Variants in MTHFD1 observed in about 807,000 individuals in gnomAD.
MTHFD1 encodes the protein C-1-tetrahydrofolate synthase, cytoplasmic.
Under a neutral mutation model 110.3 loss-of-function variants are expected in MTHFD1, and 44 were observed. The ratio of observed to expected loss-of-function variants is 0.40; its 90% CI spans 0.31 to 0.51. MTHFD1 has a LOEUF of 0.51. Among genes scored for constraint, MTHFD1 ranks in the 20% least tolerant of loss-of-function variants. MTHFD1 has a pLI of 0.60. For synonymous variants in MTHFD1, 402 were observed against 428.8 expected (o/e 0.94, Z 0.77); for missense variants, 909 against 1,173.1 (o/e 0.77, Z 3.29).
chr14:64,426,377 T>C (rs556100119), intron 11 of MTHFD1, among the ~76,000 whole-genome samples, 185 bp downstream of exon 11: 2 of 152,344 alleles, frequency 1.3e-5, no homozygotes, highest in South Asian at 4.1e-4. Context: ...ATTATAATCA[T>C]AGATGAGAAA....
In MTHFD1 at chr14:64,399,747, C is replaced by T. The variant is rs369827905; in HGVS notation, c.42-1046C>T. Among the ~76,000 whole-genome samples, 15 of 151,560 alleles carry T rather than the reference C, an allele frequency of 9.9e-5. No homozygotes were observed. In the East Asian group the frequency reaches 1.7e-3, roughly 18 times the overall value. Reference sequence around the variant, plus strand: ...TGGGAAGTTCCTGTACATATTAAACCAGATAATGTCCATTCAGTGGTGTTT... The same window carrying T: ...TGGGAAGTTCCTGTACATATTAAACTAGATAATGTCCATTCAGTGGTGTTT... On this transcript the variant is annotated intron_variant, in intron 1 of 27. Coordinates refer to ENST00000652337, the MANE Select transcript of MTHFD1 (RefSeq NM_005956.4).
intron 4 of MTHFD1, 56 bp downstream of exon 4, chr14:64,412,581 T>C: frequency 7.0e-7 from 1 of 1,438,362 alleles, no homozygotes; most frequent in Non-Finnish European, 9.8e-7. Context: ...TCCTCTCTGG[T>C]TTTGGTTTAC....
rs142876057 is a variant in MTHFD1, at chr14:64,437,547, A to G, written c.1598-1549A>G. 2.2e-3 allele frequency among the ~76,000 whole-genome samples: 328 copies of G among 152,296 alleles called. 2 individuals are homozygous for G. The highest frequency in any genetic ancestry group is 7.5e-3 in the African/African-American group (313 of 41,576). ...ACTGAGTATCCTATGATTTAACTCA[A>G]TTCTGACACTAACTGTCTGGAGCAG... On this transcript the variant is annotated intron_variant, in intron 16 of 27. Transcript: ENST00000652337.
In MTHFD1 at chr14:64,430,093, G is replaced by A. The variant is rs1028974737; in HGVS notation, c.1265-91G>A. ...AAAAATAAATAAATAAATGTGCTTA[G>A]TAGTTACAATAATGCATTTGCATTT... is the stretch of plus-strand genomic sequence containing the variant. On this transcript the variant is annotated intron_variant, in intron 12 of 27. Coordinates refer to ENST00000652337, the MANE Select transcript of MTHFD1 (RefSeq NM_005956.4). 9 of 1,049,796 alleles carry A rather than the reference G, an allele frequency of 8.6e-6. No homozygotes were observed. The African/African-American group carries it at 1.4e-4, about 16-fold the overall frequency. 65.0% of individuals were successfully genotyped at this position (1,049,796 alleles called of 1,614,324 possible). A position where few individuals can be genotyped will look rare whatever the true frequency, so the allele number is the denominator to read the frequency against.
chr14:64,419,709 T>C, intron 7 of MTHFD1, 105 bp from the exon 8 acceptor site: 1 of 803,492 alleles, frequency 1.2e-6, no homozygotes, highest in Non-Finnish European at 2.2e-6. Context: ...CTTATGACAC[T>C]TAAGAATTTA....
rs767011731 is a variant in MTHFD1 at position 64,454,822 on chromosome 14, C to T, written c.2665C>T (p.Arg889Cys). Residue 889 changes from arginine to cysteine, a missense_variant, in exon 26 of 28, where the codon CGC becomes TGC. Arg to Cys is a radical substitution (Grantham distance 180). This residue lies in a region of MTHFD1 where 482 missense variants were observed against 646.0 expected (regional missense o/e 0.75). Coordinates refer to ENST00000652337, the MANE Select transcript of MTHFD1 (RefSeq NM_005956.4). ...CCCTACAGGCTTCATTCTGCCCATT[C>T]GCGACATCCGCGCCAGCGTTGGGGC... ...GVPTGFILPI[R>C]DIRASVGAGF... The T allele has an allele frequency of 1.8e-5, 29 of 1,614,074 alleles. No individual in the cohort carries two copies. The highest frequency in any genetic ancestry group is 1.6e-4 in the Middle Eastern group (1 of 6,084).
At chr14:64,402,086 A>G (rs976265060) in intron 2 of MTHFD1, among the ~76,000 whole-genome samples, 6 of 152,246 alleles carry the variant, frequency 3.9e-5, no homozygotes, top group African/African-American at 1.4e-4. Flanking sequence ...AGTAAATTTT[A>G]AAAGATTAGT....
intron 26 of MTHFD1, among the ~76,000 whole-genome samples, chr14:64,457,221 C>T (rs2140992194): frequency 6.6e-6 from 1 of 152,334 alleles, no homozygotes; most frequent in South Asian, 2.1e-4. Flanking sequence ...ATGGGCAGCT[C>T]AGCTAGCAAG....
At chr14:64,436,637 G>A (rs950030936) in intron 16 of MTHFD1, among the ~76,000 whole-genome samples, 5 of 152,194 alleles carry the variant, frequency 3.3e-5, no homozygotes, top group Non-Finnish European at 7.3e-5. Flanking sequence ...CTGAAGGCCA[G>A]TTTATTGACT....
At chr14:64,450,734 G>A (rs1279464436) in intron 24 of MTHFD1, among the ~76,000 whole-genome samples, 4 of 152,092 alleles carry the variant, frequency 2.6e-5, no homozygotes, top group Admixed American at 2.0e-4. Flanking sequence ...TTAAGACAGG[G>A]TCTTGCTCTG....
intron 16 of MTHFD1, among the ~76,000 whole-genome samples, chr14:64,438,621 T>C: frequency 6.6e-6 from 1 of 152,190 alleles, no homozygotes; most frequent in East Asian, 1.9e-4. Context: ...AAGTGTGCTA[T>C]GTTTCCTAAA....
At chr14:64,424,671 A>C in intron 8 of MTHFD1, 133 bp from the exon 9 acceptor site, 1 of 951,072 alleles carries the variant, frequency 1.1e-6, no homozygotes, top group South Asian at 1.4e-5. Flanking sequence ...GTCATTCCAT[A>C]GCTTTTAAGT....
intron 2 of MTHFD1, among the ~76,000 whole-genome samples, chr14:64,401,391 A>C (rs1258365635): frequency 6.6e-6 from 1 of 152,156 alleles, no homozygotes; most frequent in Non-Finnish European, 1.5e-5. Flanking sequence ...TTATCCATTA[A>C]TGTTTACTAT....
Position 64,417,939 on chromosome 14 carries a change from T to C in MTHFD1, c.530T>C (p.Val177Ala), listed in dbSNP as rs778045164. 4 of 1,613,662 alleles carry C rather than the reference T, an allele frequency of 2.5e-6. No individual in the cohort carries two copies. The highest frequency in any genetic ancestry group is 3.4e-6 in the Non-Finnish European group (4 of 1,179,998). The change falls in exon 7 of 28, where the codon GTT (valine) becomes GCT (alanine). Residue 177 changes from valine to alanine, a missense_variant. Coordinates refer to ENST00000652337, the MANE Select transcript of MTHFD1 (RefSeq NM_005956.4). The surrounding 1 kb of genome is among the most constrained non-coding windows in gnomAD (Gnocchi z 4.4). ...GTGGTGGTTGGGCGCAGTAAAATAG[T>C]TGGGGCCCCGATGCATGACTTGCTT... ...HAVVVGRSKI[V>A]GAPMHDLLLW... is the part of the protein sequence containing the mutation.
chr14:64,430,472 A>G (rs2078149514), intron 13 of MTHFD1, among the ~76,000 whole-genome samples: 1 of 152,060 alleles, frequency 6.6e-6, no homozygotes, highest in Non-Finnish European at 1.5e-5. Flanking sequence ...CTAATTTTGT[A>G]TTTTTAGTAG....
intron 1 of MTHFD1, among the ~76,000 whole-genome samples, chr14:64,399,713 G>C: frequency 6.6e-6 from 1 of 151,430 alleles, no homozygotes; most frequent in Non-Finnish European, 1.5e-5. Flanking sequence ...TTGAGGCCTG[G>C]AAAATTGTTG....
At chr14:64,408,054 A>C (rs979779529) in intron 2 of MTHFD1, among the ~76,000 whole-genome samples, 5 of 152,182 alleles carry the variant, frequency 3.3e-5, no homozygotes, top group African/African-American at 1.2e-4. Context: ...AGATTAGTAA[A>C]CTGTGGCCCG....
Position 64,425,829 on chromosome 14 carries a change from TA to T in MTHFD1, c.953+7del, listed in dbSNP as rs1173029303. On this transcript the variant is annotated splice_donor_region_variant and intron_variant, in intron 10 of 27. Coordinates refer to ENST00000652337, the MANE Select transcript of MTHFD1 (RefSeq NM_005956.4). Reference sequence around the variant, plus strand: ...TAACCTCAAGACACCTGTTCCAAGGTAAAAATAAAGTTTTACTGATTTAAAA... The same window carrying T: ...TAACCTCAAGACACCTGTTCCAAGGTAAAATAAAGTTTTACTGATTTAAAA... The T allele has an allele frequency of 2.5e-6, 4 of 1,613,126 alleles. No homozygotes were observed. The highest frequency in any genetic ancestry group is 3.4e-6 in the Non-Finnish European group (4 of 1,179,238).
chr14:64,402,528 A>G (rs2077905518), intron 2 of MTHFD1, among the ~76,000 whole-genome samples: 1 of 152,248 alleles, frequency 6.6e-6, no homozygotes, highest in African/African-American at 2.4e-5. Context: ...AGCCTGAATA[A>G]TCATTGCTTG....
Sources: allele counts gnomAD v4.1 joint callset (sites outside exome capture counted in the v4.1 genomes callset), GRCh38; gene constraint gnomAD v4.1.1; regional missense constraint gnomAD v4.1.1; non-coding constraint Gnocchi (gnomAD v3.1); transcripts MANE v1.5; gene names NCBI Gene and HGNC (gene_info 2026-07-23, HGNC 2026-07-21).